CFAP161: variants seen among roughly 807,000 people sequenced by gnomAD.
CFAP161 encodes the protein cilia- and flagella-associated protein 161.
In CFAP161, 25 loss-of-function variants were observed where a neutral mutation model predicts 29.0. The ratio of observed to expected loss-of-function variants is 0.86; its 90% CI spans 0.63 to 1.20. CFAP161 has a LOEUF of 1.20. Ranked by LOEUF, CFAP161 falls within the 50% of genes most tolerant of loss-of-function variation. CFAP161 has a pLI of 0.00. For synonymous variants in CFAP161, 116 were observed against 137.4 expected (o/e 0.84, Z 1.09); for missense variants, 367 against 371.9 (o/e 0.99, Z 0.11).
At chr15:81,112,517 T>C (rs1242286244) in intron 1 of CFAP161, among the ~76,000 whole-genome samples, 2 of 152,280 alleles carry the variant, frequency 1.3e-5, no homozygotes, top group African/African-American at 4.8e-5. Flanking sequence ...TACATATAGG[T>C]ATAATAAAAC....
chr15:81,109,209 C>G (rs956612129), intron 1 of CFAP161, among the ~76,000 whole-genome samples: 1 of 152,214 alleles, frequency 6.6e-6, no homozygotes, highest in African/African-American at 2.4e-5. Context: ...TCCCAAAAAA[C>G]TCTTGCCATG....
At chr15:81,130,925 T>G (rs1894702666), upstream of CFAP161, among the ~76,000 whole-genome samples, 1 of 152,168 alleles carries the variant, frequency 6.6e-6, no homozygotes, top group Non-Finnish European at 1.5e-5. Context: ...CTATCTTATA[T>G]GCCCATGGTT....
intron 4 of CFAP161, among the ~76,000 whole-genome samples, chr15:81,138,827 T>C (rs1352186920): frequency 6.6e-6 from 1 of 152,182 alleles, no homozygotes; most frequent in Non-Finnish European, 1.5e-5. Context: ...AGGGACTATT[T>C]TACCTTTAAT....
At chr15:81,102,260 G>C (rs1331808849) in intron 1 of CFAP161, among the ~76,000 whole-genome samples, 1 of 152,166 alleles carries the variant, frequency 6.6e-6, no homozygotes, top group African/African-American at 2.4e-5. Context: ...GTCTGAGAAC[G>C]TATCAGGACC....
At chr15:81,118,697 C>T (rs1894532318) in intron 1 of CFAP161, among the ~76,000 whole-genome samples, 1 of 152,270 alleles carries the variant, frequency 6.6e-6, no homozygotes, top group African/African-American at 2.4e-5. Context: ...TGTACTCTAG[C>T]GAGGCCAGAG....
intron 1 of CFAP161, among the ~76,000 whole-genome samples, chr15:81,099,788 A>G (rs1894281311): frequency 1.3e-5 from 2 of 152,190 alleles, no homozygotes; most frequent in South Asian, 4.1e-4. Flanking sequence ...TAAATCAAGC[A>G]TATTAATTCT....
At chr15:81,133,340 G>A (rs904042862), upstream of CFAP161, among the ~76,000 whole-genome samples, 2 of 151,000 alleles carry the variant, frequency 1.3e-5, no homozygotes, top group South Asian at 4.2e-4. Context: ...TTATAGGCTT[G>A]AGCCACCACG....
chr15:81,112,555 T>C (rs1894451429), intron 1 of CFAP161, among the ~76,000 whole-genome samples: 1 of 152,144 alleles, frequency 6.6e-6, no homozygotes, highest in African/African-American at 2.4e-5. Flanking sequence ...AAGTGGATAA[T>C]GAACACAGGA....
chr15:81,112,043 C>T (rs553519595), intron 1 of CFAP161, among the ~76,000 whole-genome samples: 3 of 152,136 alleles, frequency 2.0e-5, no homozygotes, highest in Non-Finnish European at 4.4e-5. Context: ...GAACCCTTTC[C>T]CCTTTCACAC....
At chr15:81,129,466 A>T (rs2141873579), upstream of CFAP161, among the ~76,000 whole-genome samples, 1 of 152,282 alleles carries the variant, frequency 6.6e-6, no homozygotes, top group South Asian at 2.1e-4. Flanking sequence ...GAGCTAAATT[A>T]AAGGGGAAAC....
At chr15:81,108,996 A>G (rs1402785684) in intron 1 of CFAP161, among the ~76,000 whole-genome samples, 1 of 152,148 alleles carries the variant, frequency 6.6e-6, no homozygotes, top group Non-Finnish European at 1.5e-5. Flanking sequence ...ATGATTTCCC[A>G]TTGAAACTCT....
intron 1 of CFAP161, among the ~76,000 whole-genome samples, chr15:81,110,818 T>C (rs1894430678): frequency 6.6e-6 from 1 of 152,202 alleles, no homozygotes; most frequent in Non-Finnish European, 1.5e-5. Context: ...GTCCTGTTCC[T>C]GGGGACGAAT....
chr15:81,121,478 A>T (rs528602631), intron 1 of CFAP161, among the ~76,000 whole-genome samples: 3 of 151,606 alleles, frequency 2.0e-5, no homozygotes, highest in African/African-American at 7.3e-5. Context: ...CAGAGAGCAT[A>T]TTTGTATACT....
At chr15:81,104,438 G>C (rs1894338102) in intron 1 of CFAP161, among the ~76,000 whole-genome samples, 1 of 152,210 alleles carries the variant, frequency 6.6e-6, no homozygotes, top group Non-Finnish European at 1.5e-5. Flanking sequence ...GCGGGCCAAA[G>C]TTCTGGCAGC....
At chr15:81,126,361 C>T (rs1245992947) in intron 1 of CFAP161, among the ~76,000 whole-genome samples, 1 of 151,758 alleles carries the variant, frequency 6.6e-6, no homozygotes, top group African/African-American at 2.4e-5. Flanking sequence ...TTTTTAGCTT[C>T]AAGTGAGTTC....
At chr15:81,115,378 T>A (rs1217248506) in intron 1 of CFAP161, among the ~76,000 whole-genome samples, 1 of 152,198 alleles carries the variant, frequency 6.6e-6, no homozygotes, top group Non-Finnish European at 1.5e-5. Context: ...TGGTCTTGTG[T>A]CACACTGGGA....
intron 5 of CFAP161, among the ~76,000 whole-genome samples, chr15:81,146,864 A>T (rs1462959441): frequency 8.8e-6 from 1 of 113,100 alleles, no homozygotes; most frequent in Non-Finnish European, 1.8e-5. Context: ...ATATATATAT[A>T]TATATATATA....
intron 3 of CFAP161, 61 bp from the exon 4 acceptor site, chr15:81,137,990 T>C (rs938547525): frequency 7.8e-7 from 1 of 1,284,112 alleles, no homozygotes; most frequent in Non-Finnish European, 1.1e-6. Context: ...AAAAATAGAG[T>C]CATAGAATGA....
intron 3 of CFAP161, among the ~76,000 whole-genome samples, chr15:81,137,701 A>C (rs1219221803): frequency 1.3e-5 from 2 of 152,240 alleles, no homozygotes; most frequent in Non-Finnish European, 2.9e-5. Context: ...GAACCGTATT[A>C]AATGTCTACA....
Sources: allele counts gnomAD v4.1 joint callset (sites outside exome capture counted in the v4.1 genomes callset), GRCh38; gene constraint gnomAD v4.1.1; transcripts MANE v1.5; gene names NCBI Gene and HGNC (gene_info 2026-07-23, HGNC 2026-07-21).